KATNIP: variants seen among roughly 807,000 people sequenced by gnomAD.
KATNIP encodes the protein katanin-interacting protein.
Under a neutral mutation model 174.0 loss-of-function variants are expected in KATNIP, and 126 were observed. The ratio of observed to expected loss-of-function variants is 0.72; its 90% CI spans 0.63 to 0.84. KATNIP has a LOEUF of 0.84. Among genes scored for constraint, KATNIP ranks in the 40% least tolerant of loss-of-function variants. The pLI is 0.00. For synonymous variants in KATNIP, 810 were observed against 835.7 expected (o/e 0.97, Z 0.53); for missense variants, 1,958 against 2,109.7 (o/e 0.93, Z 1.41).
chr16:27,648,743 T>C lies in KATNIP; in HGVS notation c.540+8T>C. ...TCTGAGGATCGTCCGCAGGTAGGGATGGCCTTGGCCTTGTGCTCGGGACAC... is the reference window on the plus strand; with the variant it reads ...TCTGAGGATCGTCCGCAGGTAGGGACGGCCTTGGCCTTGTGCTCGGGACAC... On this transcript the variant is annotated splice_region_variant and intron_variant, in intron 6 of 27. Coordinates refer to ENST00000261588, the MANE Select transcript of KATNIP (RefSeq NM_015202.5). 1 of 1,611,740 alleles carries C rather than the reference T, an allele frequency of 6.2e-7. No individual in the cohort carries two copies. The highest frequency in any genetic ancestry group is 8.5e-7 in the Non-Finnish European group (1 of 1,179,006).
At chr16:27,702,250 C>T (rs565001623) in intron 11 of KATNIP, among the ~76,000 whole-genome samples, 3 of 152,328 alleles carry the variant, frequency 2.0e-5, no homozygotes, top group African/African-American at 7.2e-5. Context: ...ATACCCCATG[C>T]AGCACAGGGT....
intron 6 of KATNIP, among the ~76,000 whole-genome samples, chr16:27,657,018 A>C (rs1296079405): frequency 6.6e-6 from 1 of 152,134 alleles, no homozygotes; most frequent in Non-Finnish European, 1.5e-5. Context: ...ATTGCTACAT[A>C]AAAGGAGAAT....
rs1164125150 is a variant in KATNIP at position 27,766,371 on chromosome 16, C to T, written c.3872C>T (p.Pro1291Leu). 1.2e-6 allele frequency: 2 copies of T among 1,614,192 alleles called. No homozygotes were observed. The highest frequency in any genetic ancestry group is 2.2e-5 in the East Asian group (1 of 44,880). The part of the protein sequence containing the change: ...DEHMWLIPFS[P>L]GLDHVVTIRL... ...CATATGTGGCTGATCCCCTTCTCGC[C>T]GGGGCTGGACCATGTGGTCACGATC... The change falls in exon 20 of 28, where the codon CCG becomes CTG. Residue 1291 changes from proline to leucine, a missense_variant. Pro to Leu is a moderately conservative substitution (Grantham distance 98). Around this residue, in one of 3 missense-constraint regions of KATNIP, gnomAD observed 383 missense variants for 456.0 expected, o/e 0.84. Transcript: ENST00000261588.
At chr16:27,679,768 A>T (rs2078260541) in intron 7 of KATNIP, among the ~76,000 whole-genome samples, 1 of 151,022 alleles carries the variant, frequency 6.6e-6, no homozygotes, top group East Asian at 1.9e-4. Context: ...AAAAAAAAAA[A>T]AAGTTTGAAG....
In KATNIP at chr16:27,740,741, G is replaced by T; in HGVS notation, c.2444G>T (p.Gly815Val). Residue 815 changes from glycine to valine, a missense_variant, in exon 15 of 28, where the codon GGG becomes GTG. Gly to Val is a moderately radical substitution (Grantham distance 109). Transcript: ENST00000261588. ...DKGLRHEPGW[G>V]TSRSVNTKER... ...GGCCTACGGCATGAGCCAGGGTGGG[G>T]GACCAGCCGGAGTGTCAACACCAAG... 6.2e-7 allele frequency: 1 copy of T among 1,614,156 alleles called. No homozygotes were observed. The highest frequency in any genetic ancestry group is 8.5e-7 in the Non-Finnish European group (1 of 1,180,030).
intron 2 of KATNIP, among the ~76,000 whole-genome samples, chr16:27,595,388 C>T (rs182702447): frequency 2.6e-5 from 4 of 152,252 alleles, no homozygotes; most frequent in African/African-American, 7.2e-5. Flanking sequence ...CTGTCTCAAA[C>T]GTACTCACAT....
At chr16:27,673,429 A>G (rs994301057) in intron 6 of KATNIP, among the ~76,000 whole-genome samples, 14 of 152,200 alleles carry the variant, frequency 9.2e-5, no homozygotes, top group Admixed American at 9.2e-4. Flanking sequence ...GACATAAGCC[A>G]TGACCTCAGT....
chr16:27,595,928 G>A (rs916591186), intron 2 of KATNIP, among the ~76,000 whole-genome samples: 14 of 152,162 alleles, frequency 9.2e-5, no homozygotes, highest in African/African-American at 2.7e-4. Context: ...GCAAAATCGC[G>A]GGGACAGGGG....
intron 14 of KATNIP, among the ~76,000 whole-genome samples, chr16:27,732,989 G>A (rs764717410): frequency 1.3e-5 from 2 of 152,170 alleles, no homozygotes; most frequent in African/African-American, 2.4e-5. Flanking sequence ...CATCTGGGCC[G>A]ACTCCAGTTG....
intron 13 of KATNIP, among the ~76,000 whole-genome samples, chr16:27,712,801 C>CATTATT (rs1030460560): frequency 6.6e-6 from 1 of 151,854 alleles, no homozygotes; most frequent in African/African-American, 2.4e-5. Flanking sequence ...TCTCAGACTT[C>CATTATT]ATTATTATTA....
intron 2 of KATNIP, among the ~76,000 whole-genome samples, chr16:27,602,485 C>T (rs1385112764): frequency 6.6e-6 from 1 of 152,202 alleles, no homozygotes; most frequent in Non-Finnish European, 1.5e-5. Flanking sequence ...CTGTTCCTGC[C>T]ATCTGAAAGC....
At chr16:27,640,316 GGA>G (rs2076753998) in intron 5 of KATNIP, among the ~76,000 whole-genome samples, 1 of 152,208 alleles carries the variant, frequency 6.6e-6, no homozygotes, top group Non-Finnish European at 1.5e-5. Flanking sequence ...TGCCAAGCGG[GGA>G]GCTAGCCAGG....
Position 27,618,274 on chromosome 16 carries a change from A to G in KATNIP, c.64-151A>G, listed in dbSNP as rs115965257. Reference sequence around the variant, plus strand: ...GCCATCAGACAGTCTCTGGGGCTCCAGGTCGCTGGAGCAATGCGCCTGGGG... The same window carrying G: ...GCCATCAGACAGTCTCTGGGGCTCCGGGTCGCTGGAGCAATGCGCCTGGGG... On this transcript the variant is annotated intron_variant, in intron 2 of 27. Coordinates refer to ENST00000261588, the MANE Select transcript of KATNIP (RefSeq NM_015202.5). The G allele has an allele frequency of 7.6e-3, 4,584 of 602,180 alleles. 182 individuals are homozygous for G. The African/African-American group carries it at 0.076, about 10-fold the overall frequency. 37.3% of individuals were successfully genotyped at this position (602,180 alleles called of 1,614,324 possible).
intron 5 of KATNIP, among the ~76,000 whole-genome samples, chr16:27,647,691 G>T (rs551052057): frequency 6.6e-6 from 1 of 152,116 alleles, no homozygotes; most frequent in South Asian, 2.1e-4. Context: ...TTTTAGTAGA[G>T]ATGGGGTTTC....
chr16:27,630,439 G>A (rs1463486438), intron 4 of KATNIP, among the ~76,000 whole-genome samples: 1 of 152,236 alleles, frequency 6.6e-6, no homozygotes, highest in Non-Finnish European at 1.5e-5. Context: ...AAAAGGGCAA[G>A]AAGAGAAAAT....
chr16:27,701,681 G>T lies in KATNIP; in HGVS notation c.1272G>T (p.Gly424=), dbSNP rs1355132225. The change falls in exon 11 of 28, where the codon GGG becomes GGT. Residue 424 remains glycine (G), a synonymous_variant. Coordinates refer to ENST00000261588, the MANE Select transcript of KATNIP (RefSeq NM_015202.5). ...RAINQAMDRI[G]LLGSRQQQKL... Reference sequence around the variant, plus strand: ...TCAACCAGGCCATGGACAGAATTGGGCTTCTGGGAAGCAGGTACTACTAAG... The same window carrying T: ...TCAACCAGGCCATGGACAGAATTGGTCTTCTGGGAAGCAGGTACTACTAAG... 3 of 1,602,206 alleles carry T rather than the reference G, an allele frequency of 1.9e-6. No individual in the cohort carries two copies. Among genetic ancestry groups the T allele is most frequent in the Admixed American group, 3.4e-5 (2 of 58,392 alleles).
chr16:27,553,077 T>G (rs150123344), intron 1 of KATNIP, among the ~76,000 whole-genome samples: 55 of 152,364 alleles, frequency 3.6e-4, no homozygotes, highest in African/African-American at 1.3e-3. Context: ...TACATTAAAA[T>G]CCATTGGTCT....
intron 2 of KATNIP, among the ~76,000 whole-genome samples, chr16:27,605,252 C>T (rs973253045): frequency 5.3e-4 from 81 of 152,250 alleles, no homozygotes; most frequent in African/African-American, 1.9e-3. Flanking sequence ...TTTAAGTCTT[C>T]TATCTTTGTG....
At chr16:27,571,119 G>A (rs2090275520) in intron 1 of KATNIP, among the ~76,000 whole-genome samples, 1 of 152,066 alleles carries the variant, frequency 6.6e-6, no homozygotes, top group African/African-American at 2.4e-5. Context: ...TGCAACTTCT[G>A]CCTCCGAGGT....
Sources: allele counts gnomAD v4.1 joint callset (sites outside exome capture counted in the v4.1 genomes callset), GRCh38; gene constraint gnomAD v4.1.1; regional missense constraint gnomAD v4.1.1; transcripts MANE v1.5; gene names NCBI Gene and HGNC (gene_info 2026-07-23, HGNC 2026-07-21).